MAP2K5: variants seen among roughly 807,000 people sequenced by gnomAD.
MAP2K5 encodes the protein mitogen-activated protein kinase kinase 5, also known as dual specificity mitogen-activated protein kinase kinase 5.
In MAP2K5, 49 loss-of-function variants were observed where a neutral mutation model predicts 83.1. That is an observed-to-expected ratio of 0.59 (90% CI 0.47 to 0.75). The LOEUF is 0.75. Ranked by LOEUF, MAP2K5 falls within the 30% of genes least tolerant of loss-of-function variation. MAP2K5 has a pLI of 0.00. For missense variants in MAP2K5, 457 were observed against 557.5 expected, an observed-to-expected ratio of 0.82 and a Z score of 1.82; for synonymous variants, 202 against 191.8, an observed-to-expected ratio of 1.05 and a Z score of -0.44.
chr15:67,641,406 G>A (rs2086707979), intron 9 of MAP2K5: 2 of 707,070 alleles, frequency 2.8e-6, no homozygotes, highest in African/African-American at 3.9e-5. Context: ...CAGAATAGCA[G>A]CTTAATTTGA....
At chr15:67,715,520 G>A (rs765549955) in intron 16 of MAP2K5, among the ~76,000 whole-genome samples, 1 of 152,140 alleles carries the variant, frequency 6.6e-6, no homozygotes, top group Non-Finnish European at 1.5e-5. Flanking sequence ...AAACAAGATG[G>A]AACAGGTGCT....
chr15:67,774,202 T>TGAGA lies in MAP2K5; in HGVS notation c.1242+1453_1242+1456dup, dbSNP rs61495402. Among the ~76,000 whole-genome samples, 24 of 150,580 alleles carry TGAGA rather than the reference T, an allele frequency of 1.6e-4. No homozygotes were observed. The highest frequency in any genetic ancestry group is 5.9e-4 in the African/African-American group (24 of 40,730). On this transcript the variant is annotated intron_variant, in intron 21 of 21. Transcript: ENST00000178640. The surrounding 1 kb of genome is among the most constrained non-coding windows in gnomAD (Gnocchi z 4.9). ...GTGTGTGTGTGTGTGTGTGTGTGTG[T>TGAGA]GAGAGAACATAGGTATTTAGATATA...
intron 9 of MAP2K5, among the ~76,000 whole-genome samples, chr15:67,641,975 A>G (rs544323667): frequency 6.6e-6 from 1 of 152,324 alleles, no homozygotes; most frequent in Admixed American, 6.5e-5. Flanking sequence ...GAGTTATTTT[A>G]AGGTGGGTTC....
In MAP2K5 at chr15:67,638,037, A is replaced by G; in HGVS notation, c.585+7110A>G. Among the ~76,000 whole-genome samples the G allele has an allele frequency of 6.6e-6, 1 of 151,908 alleles. No individual in the cohort carries two copies. Among genetic ancestry groups the G allele is most frequent in the Non-Finnish European group, 1.5e-5 (1 of 67,994 alleles). On this transcript the variant is annotated intron_variant, in intron 9 of 21. Coordinates refer to ENST00000178640, the MANE Select transcript of MAP2K5 (RefSeq NM_145160.3). The surrounding 1 kb of genome is among the most constrained non-coding windows in gnomAD (Gnocchi z 4.5). ...CTTTTTTTTACTTTTAATTTTTTAA[A>G]AATTAAAAAAGTTAATTTTTTTAAC...
intron 21 of MAP2K5, among the ~76,000 whole-genome samples, chr15:67,789,650 G>A (rs1268686605): frequency 2.6e-5 from 4 of 151,862 alleles, no homozygotes; most frequent in African/African-American, 9.7e-5. Context: ...GGGAGGTGGA[G>A]GTTGCAGTGA....
At position 67,549,978 on chromosome 15, in the gene MAP2K5, CAT is replaced by C. The variant is rs541878273; in HGVS notation, c.136-55_136-54del. 201 of 1,297,962 alleles carry C rather than the reference CAT, an allele frequency of 1.5e-4. 2 individuals are homozygous for C. The South Asian group carries it at 2.1e-3, about 14-fold the overall frequency. 80.4% of individuals were successfully genotyped at this position (1,297,962 alleles called of 1,614,324 possible). A position where few individuals can be genotyped will look rare whatever the true frequency, so the allele number is the denominator to read the frequency against. The stretch of plus-strand genomic sequence containing the variant: ...CTCATATTTCCTGTAGGATTTGCCA[CAT>C]GTTAGCAATAAAGAAGATGGCTAAT... On this transcript the variant is annotated intron_variant, in intron 1 of 21. Transcript: ENST00000178640.
intron 8 of MAP2K5, 44 bp downstream of exon 8, chr15:67,600,793 A>G: frequency 7.0e-7 from 1 of 1,421,260 alleles, no homozygotes; most frequent in Non-Finnish European, 9.7e-7. Flanking sequence ...GCTTTTCCAA[A>G]TACTGAGTAT....
intron 15 of MAP2K5, among the ~76,000 whole-genome samples, chr15:67,699,579 A>AT (rs2088361106): frequency 1.3e-5 from 2 of 152,208 alleles, no homozygotes; most frequent in Admixed American, 1.3e-4. Flanking sequence ...GACAAGGCAC[A>AT]TCATGCTGAG....
intron 7 of MAP2K5, among the ~76,000 whole-genome samples, chr15:67,596,735 T>C (rs1287146297): frequency 6.6e-6 from 1 of 152,216 alleles, no homozygotes; most frequent in Admixed American, 6.5e-5. Flanking sequence ...GTGCCAGTCA[T>C]TTCTCTAAGG....
intron 15 of MAP2K5, among the ~76,000 whole-genome samples, chr15:67,700,917 C>T (rs2088400831): frequency 1.3e-5 from 2 of 151,460 alleles, no homozygotes; most frequent in Non-Finnish European, 2.9e-5. Flanking sequence ...ATCACTTTTT[C>T]TATTTTTTCT....
chr15:67,784,485 C>T (rs2090382301), intron 21 of MAP2K5, among the ~76,000 whole-genome samples: 1 of 152,238 alleles, frequency 6.6e-6, no homozygotes, highest in South Asian at 2.1e-4. Flanking sequence ...ATGGTCCCTT[C>T]CACCTTGATG....
At chr15:67,761,755 T>C (rs2089953675) in intron 19 of MAP2K5, among the ~76,000 whole-genome samples, 1 of 152,232 alleles carries the variant, frequency 6.6e-6, no homozygotes, top group African/African-American at 2.4e-5. Flanking sequence ...ATCAATTTTT[T>C]TTCATTTAGG....
Position 67,677,460 on chromosome 15 carries a change from T to G in MAP2K5, c.847+12815T>G, listed in dbSNP as rs1280712509. ...AAGTAAGTGTTATCTACCATAATTTTTTGTTATTTCTTTAAAACAAATTAC... is the reference window on the plus strand; with the variant it reads ...AAGTAAGTGTTATCTACCATAATTTGTTGTTATTTCTTTAAAACAAATTAC... On this transcript the variant is annotated intron_variant, in intron 13 of 21. Coordinates refer to ENST00000178640, the MANE Select transcript of MAP2K5 (RefSeq NM_145160.3). The surrounding 1 kb of genome is among the most constrained non-coding windows in gnomAD (Gnocchi z 4.2). Among the ~76,000 whole-genome samples the G allele has an allele frequency of 6.6e-6, 1 of 152,252 alleles. No homozygotes were observed. Among genetic ancestry groups the G allele is most frequent in the Non-Finnish European group, 1.5e-5 (1 of 68,038 alleles).
At chr15:67,806,053 A>T (rs3784720) in intron 21 of MAP2K5, among the ~76,000 whole-genome samples, 12 of 152,248 alleles carry the variant, frequency 7.9e-5, no homozygotes, top group African/African-American at 2.6e-4. Flanking sequence ...CCAGCCCCCA[A>T]TGGAACTTCT....
rs2084594969 is a variant in MAP2K5 at position 67,555,005 on chromosome 15, T to G, written c.184+4923T>G. Reference sequence around the variant, plus strand: ...GTCAAACCTGAGGAGCTGTATTCTTTCTGATTTCTTTTTCTGGGTGTGGTG... The same window carrying G: ...GTCAAACCTGAGGAGCTGTATTCTTGCTGATTTCTTTTTCTGGGTGTGGTG... On this transcript the variant is annotated intron_variant, in intron 2 of 21. Transcript: ENST00000178640. This position sits in a 1 kb window ranked among gnomAD's most constrained non-coding sequence, Gnocchi z 5.2. Among the ~76,000 whole-genome samples, 1 of 152,176 alleles carries G rather than the reference T, an allele frequency of 6.6e-6. No homozygotes were observed. The highest frequency in any genetic ancestry group is 1.5e-5 in the Non-Finnish European group (1 of 68,036).
rs1222239650 is a variant in MAP2K5 at position 67,555,141 on chromosome 15, G to A, written c.184+5059G>A. On this transcript the variant is annotated intron_variant, in intron 2 of 21. Transcript: ENST00000178640. This position sits in a 1 kb window ranked among gnomAD's most constrained non-coding sequence, Gnocchi z 5.2. ...TTCTTATTAAAAGGACCTCTTTTAG[G>A]TCCTTATTCTCCATTACATCTAGAG... Among the ~76,000 whole-genome samples, 1 of 152,128 alleles carries A rather than the reference G, an allele frequency of 6.6e-6. No homozygotes were observed. The highest frequency in any genetic ancestry group is 1.5e-5 in the Non-Finnish European group (1 of 68,028).
intron 19 of MAP2K5, among the ~76,000 whole-genome samples, chr15:67,752,899 A>G (rs934270887): frequency 0.16 from 138 of 888 alleles, 1 homozygote; most frequent in Middle Eastern, 0.5. Context: ...CAATCATTGA[A>G]AAAAAAAAAA....
chr15:67,627,762 A>G (rs991968152), intron 8 of MAP2K5: 9 of 329,618 alleles, frequency 2.7e-5, no homozygotes, highest in African/African-American at 6.4e-5. Context: ...ATTATATCTC[A>G]ATAAAGCTGT....
intron 20 of MAP2K5, among the ~76,000 whole-genome samples, chr15:67,772,220 C>G (rs528125674): frequency 6.6e-6 from 1 of 152,262 alleles, no homozygotes; most frequent in East Asian, 1.9e-4. Flanking sequence ...GTTTTATATA[C>G]TTCTTGTCAT....
Sources: gnomAD v4.1 joint callset for allele counts (sites outside exome capture counted in the v4.1 genomes callset) on GRCh38, gnomAD v4.1.1 for gene constraint, Gnocchi (gnomAD v3.1) non-coding constraint, MANE v1.5 for transcripts, NCBI Gene and HGNC (gene_info 2026-07-23, HGNC 2026-07-21) for gene names.